PTPRO: variants seen among roughly 807,000 people sequenced by gnomAD.
The protein encoded by PTPRO is receptor-type tyrosine-protein phosphatase O.
PTPRO carries 62 observed loss-of-function variants against 145.2 expected under a neutral mutation model. The observed-to-expected ratio is 0.43, with a 90% CI of 0.35 to 0.53. The LOEUF (loss-of-function observed/expected upper bound fraction) is 0.53, where lower values mean the gene tolerates loss of function less well. PTPRO is among the 20% of genes least tolerant of loss of function. The probability of loss-of-function intolerance (pLI) is 0.01; values close to 1 mark genes in which losing one functional copy is unlikely to be tolerated. For synonymous variants in PTPRO, 565 were observed against 514.7 expected (o/e 1.10, Z -1.32); for missense variants, 1,345 against 1,482.7 (o/e 0.91, Z 1.53).
At chr12:15,379,960 T>G (rs752137307) in intron 1 of PTPRO, among the ~76,000 whole-genome samples, 2 of 152,192 alleles carry the variant, frequency 1.3e-5, no homozygotes, top group Non-Finnish European at 2.9e-5. Context: ...GATTATATCT[T>G]AAAACAACTG....
chr12:15,561,041 A>G (rs1943760139), intron 17 of PTPRO, among the ~76,000 whole-genome samples: 1 of 152,104 alleles, frequency 6.6e-6, no homozygotes, highest in African/African-American at 2.4e-5. Context: ...TTGAATTCTG[A>G]GACTAAAGAA....
intron 1 of PTPRO, among the ~76,000 whole-genome samples, chr12:15,326,457 T>C (rs1417469340): frequency 1.3e-5 from 2 of 152,244 alleles, no homozygotes; most frequent in Non-Finnish European, 2.9e-5. Flanking sequence ...TGAGAGACTA[T>C]CGTTGTGTGA....
chr12:15,398,603 C>T (rs906149925), intron 1 of PTPRO, among the ~76,000 whole-genome samples: 3 of 152,030 alleles, frequency 2.0e-5, no homozygotes, highest in Non-Finnish European at 4.4e-5. Flanking sequence ...GCCTAAATGC[C>T]TAAGTAGGCA....
In PTPRO at chr12:15,565,715, A is replaced by T. The variant is rs555559507; in HGVS notation, c.2747+87A>T. On this transcript the variant is annotated intron_variant, in intron 18 of 26. Transcript: ENST00000281171. ...TTAAAGATTGCTTGTCTTCAAAGAG[A>T]AGGGACGCTTAAGAAAGAGGCAAAT... is the stretch of plus-strand genomic sequence containing the variant. The T allele has an allele frequency of 5.9e-6, 6 of 1,016,444 alleles. No individual in the cohort carries two copies. The Admixed American group carries it at 1.1e-4, about 19-fold the overall frequency. The allele number at this position is 1,016,444 out of a possible 1,614,324, so 63.0% of individuals were successfully genotyped here. A position where few individuals can be genotyped will look rare whatever the true frequency, so the allele number is the denominator to read the frequency against.
chr12:15,594,506 C>A (rs1944617025), intron 25 of PTPRO, among the ~76,000 whole-genome samples: 1 of 151,794 alleles, frequency 6.6e-6, no homozygotes, highest in African/African-American at 2.4e-5. Flanking sequence ...ACCACACACA[C>A]ACACACACAA....
In PTPRO at chr12:15,337,845, T is replaced by C. The variant is rs186364871; in HGVS notation, c.75+15044T>C. Among the ~76,000 whole-genome samples the C allele has an allele frequency of 3.3e-5, 5 of 152,332 alleles. No homozygotes were observed. The East Asian group carries it at 5.8e-4, about 18-fold the overall frequency. ...GGTCTCATTCTGTATGATTCCATTA[T>C]ATAACATTATGATGAAGGAAAGTTT... On this transcript the variant is annotated intron_variant, in intron 1 of 26. Coordinates refer to ENST00000281171, the MANE Select transcript of PTPRO (RefSeq NM_030667.3).
rs554793711 is a variant in PTPRO at position 15,364,207 on chromosome 12, T to G, written c.75+41406T>G. On this transcript the variant is annotated intron_variant, in intron 1 of 26. Transcript: ENST00000281171. ...ATGATGTACGAGACATTTTGAGGCTTCAGTTCAAAGCATAAAGAGTGAAAC... is the reference window on the plus strand; with the variant it reads ...ATGATGTACGAGACATTTTGAGGCTGCAGTTCAAAGCATAAAGAGTGAAAC... Among the ~76,000 whole-genome samples the G allele has an allele frequency of 2.9e-4, 44 of 152,282 alleles. 1 individual carries two copies. The highest frequency in any genetic ancestry group is 2.1e-3 in the South Asian group (10 of 4,826).
intron 13 of PTPRO, among the ~76,000 whole-genome samples, chr12:15,547,472 T>C (rs1228367757): frequency 6.6e-6 from 1 of 152,208 alleles, no homozygotes; most frequent in Non-Finnish European, 1.5e-5. Flanking sequence ...ACATAAGTAA[T>C]TGATCTTTTT....
chr12:15,510,737 T>C (rs1260962146), intron 7 of PTPRO, among the ~76,000 whole-genome samples: 1 of 152,156 alleles, frequency 6.6e-6, no homozygotes, highest in Non-Finnish European at 1.5e-5. Flanking sequence ...TATAATATCA[T>C]ACCACTATAG....
At chr12:15,578,041 G>A (rs1334676360) in intron 19 of PTPRO, among the ~76,000 whole-genome samples, 2 of 152,102 alleles carry the variant, frequency 1.3e-5, no homozygotes, top group Non-Finnish European at 2.9e-5. Flanking sequence ...GCAGACATTT[G>A]GATGTTCTTA....
chr12:15,550,041 G>T (rs1367505594), intron 14 of PTPRO, among the ~76,000 whole-genome samples: 1 of 151,990 alleles, frequency 6.6e-6, no homozygotes, highest in African/African-American at 2.4e-5. Flanking sequence ...AAAATATACA[G>T]TTGACGATGA....
chr12:15,546,245 C>T, intron 12 of PTPRO: 1 of 885,674 alleles, frequency 1.1e-6, no homozygotes, highest in South Asian at 3.4e-5. Context: ...CCAGGAAGTT[C>T]TGTATTATCA....
intron 1 of PTPRO, chr12:15,439,668 A>C: frequency 2.3e-6 from 1 of 429,728 alleles, no homozygotes; most frequent in Non-Finnish European, 4.6e-6. Context: ...GGCTGAGGCC[A>C]CGGAGCTCAC....
intron 1 of PTPRO, among the ~76,000 whole-genome samples, chr12:15,369,178 A>G (rs897238992): frequency 6.6e-6 from 1 of 152,222 alleles, no homozygotes; most frequent in South Asian, 2.1e-4. Context: ...AAACGTCCCC[A>G]GTGGATAGGG....
chr12:15,524,172 A>C (rs1199654742), intron 10 of PTPRO, among the ~76,000 whole-genome samples: 5 of 151,352 alleles, frequency 3.3e-5, no homozygotes, highest in African/African-American at 1.2e-4. Context: ...AAAAAAAAAA[A>C]AAAAACTTGT....
At chr12:15,391,971 G>A (rs1379527424) in intron 1 of PTPRO, among the ~76,000 whole-genome samples, 2 of 152,178 alleles carry the variant, frequency 1.3e-5, no homozygotes, top group East Asian at 1.9e-4. Flanking sequence ...CAAGAGAACA[G>A]CAACCCAACC....
chr12:15,452,070 G>A (rs969286326), intron 1 of PTPRO, among the ~76,000 whole-genome samples: 1 of 151,930 alleles, frequency 6.6e-6, no homozygotes, highest in African/African-American at 2.4e-5. Context: ...TTCTTTGAAA[G>A]GATAAATAAA....
chr12:15,580,012 A>G (rs1421325051), intron 20 of PTPRO, 27 bp from the exon 21 acceptor site: 2 of 1,588,306 alleles, frequency 1.3e-6, no homozygotes, highest in East Asian at 2.2e-5. Flanking sequence ...TTGAATTTTA[A>G]TATTTTTTTC....
At chr12:15,525,053 G>A (rs940198351) in intron 11 of PTPRO, 88 bp downstream of exon 11, 39 of 1,497,750 alleles carry the variant, frequency 2.6e-5, no homozygotes, top group Admixed American at 5.1e-5. Flanking sequence ...TTATTGACAC[G>A]TCAAATGTTT....
Sources: gnomAD v4.1 joint callset for allele counts (sites outside exome capture counted in the v4.1 genomes callset) on GRCh38, gnomAD v4.1.1 for gene constraint, MANE v1.5 for transcripts, NCBI Gene and HGNC (gene_info 2026-07-23, HGNC 2026-07-21) for gene names.